Variants in IPO4 observed in about 807,000 individuals in gnomAD.
IPO4 encodes the protein importin-4.
IPO4 carries 91 observed loss-of-function variants against 133.5 expected under a neutral mutation model. That is an observed-to-expected ratio of 0.68 (90% confidence interval 0.58 to 0.81). The LOEUF (loss-of-function observed/expected upper bound fraction) is 0.81. Among genes scored for constraint, IPO4 ranks in the 30% least tolerant of loss-of-function variants. IPO4 has a pLI of 0.00. For synonymous variants in IPO4, 607 were observed against 581.6 expected, an observed-to-expected ratio of 1.04 and a Z score of -0.63; for missense variants, 1,279 against 1,386.2, an observed-to-expected ratio of 0.92 and a Z score of 1.23.
chr14:24,181,910 A>G (rs756951096), intron 26 of IPO4, 45 bp downstream of exon 26: 2 of 1,606,192 alleles, frequency 1.2e-6, no homozygotes, highest in East Asian at 4.5e-5. Context: ...CCCTGGGGAC[A>G]CTCCCCCAAC....
At chr14:24,181,922 TCCAGTCCCTC>T (rs1478205000) in intron 26 of IPO4, 23 bp downstream of exon 26, 1 of 1,608,406 alleles carries the variant, frequency 6.2e-7, no homozygotes, top group Non-Finnish European at 8.5e-7. Flanking sequence ...TCCCCCAACC[TCCAGTCCCTC>T]CCGTCCTGCG....
Position 24,182,417 on chromosome 14 carries a change from TCA to T in IPO4, c.2473-16_2473-15del, listed in dbSNP as rs753809648. ...GTCGTATTCAGCCTGTGGAGCCAGG[TCA>T]GGGGCTGGAGCACCAGGGCCAGCTC... On this transcript the variant is annotated splice_polypyrimidine_tract_variant and intron_variant, in intron 24 of 29. Coordinates refer to ENST00000354464, the MANE Select transcript of IPO4 (RefSeq NM_024658.4). The T allele has an allele frequency of 1.2e-5, 19 of 1,601,616 alleles. No homozygotes were observed. The South Asian group carries it at 1.5e-4, about 12-fold the overall frequency.
intron 17 of IPO4, 88 bp downstream of exon 17, chr14:24,184,210 T>A: frequency 1.9e-6 from 3 of 1,556,554 alleles, no homozygotes; most frequent in Non-Finnish European, 2.6e-6. Context: ...ACCAGACGAC[T>A]GGAGTCTGGG....
chr14:24,180,700 T>C lies in IPO4; in HGVS notation c.3104A>G (p.Lys1035Arg). 6.2e-7 allele frequency: 1 copy of C among 1,614,134 alleles called. No homozygotes were observed. Among genetic ancestry groups the C allele is most frequent in the Non-Finnish European group, 8.5e-7 (1 of 1,180,000 alleles). The part of the protein sequence containing the change: ...RICSLILADN[K>R]IPPDTKAALL... ...ACTCCTACCCTCACCTGGTGGGATC[T>C]TGTTGTCAGCCAGAATGAGGCTGCA... The change falls in exon 29 of 30, where the codon AAG becomes AGG. Residue 1035 changes from lysine to arginine, a missense_variant. Physicochemically the swap from Lys to Arg is conservative, Grantham distance 26 (BLOSUM62 2). Around this residue, in one of 3 missense-constraint regions of IPO4, gnomAD observed 575 missense variants for 653.4 expected, o/e 0.88. Coordinates refer to ENST00000354464, the MANE Select transcript of IPO4 (RefSeq NM_024658.4).
rs772269787 is a variant in IPO4 at position 24,185,332 on chromosome 14, G to C, written c.1279-20C>G. 1 of 1,614,002 alleles carries C rather than the reference G, an allele frequency of 6.2e-7. No homozygotes were observed. The highest frequency in any genetic ancestry group is 2.2e-5 in the East Asian group (1 of 44,874). On this transcript the variant is annotated intron_variant, in intron 13 of 29. Transcript: ENST00000354464. ...ATGGGGCTGGGGGAGGGAGCAAGCA[G>C]GGCCTGAGTCAGGTTCACCTGCCGG...
Position 24,186,726 on chromosome 14 carries a change from C to A in IPO4, c.822G>T (p.Leu274Phe). The A allele has an allele frequency of 6.2e-7, 1 of 1,614,080 alleles. No homozygotes were observed. Among genetic ancestry groups the A allele is most frequent in the South Asian group, 1.1e-5 (1 of 91,070 alleles). ...RIRILCCLTFLVKVKSKALLK... is the reference protein window; with the variant it reads ...RIRILCCLTFFVKVKSKALLK... ...CACTTACCTTGCTCTTGACTTTGAC[C>A]AAGAAAGTGAGGCAGCAGAGAATAC... Residue 274 changes from leucine (L) to phenylalanine (F), a missense_variant, in exon 9 of 30, where the codon TTG becomes TTT. Around this residue, in one of 3 missense-constraint regions of IPO4, gnomAD observed 695 missense variants for 704.1 expected, o/e 0.99. Coordinates refer to ENST00000354464, the MANE Select transcript of IPO4 (RefSeq NM_024658.4).
intron 4 of IPO4, 99 bp from the exon 5 acceptor site, chr14:24,187,895 G>C (rs1266194531): frequency 2.0e-6 from 3 of 1,482,230 alleles, no homozygotes; most frequent in Non-Finnish European, 2.8e-6. Flanking sequence ...ACTTTCAGGA[G>C]GTGTGGGCAC....
chr14:24,182,030 G>C lies in IPO4; in HGVS notation c.2732C>G (p.Ala911Gly). Residue 911 changes from alanine to glycine, a missense_variant, in exon 26 of 30, where the codon GCA becomes GGA. Physicochemically the swap from Ala to Gly is moderately conservative, Grantham distance 60. Around this residue, in one of 3 missense-constraint regions of IPO4, gnomAD observed 575 missense variants for 653.4 expected, o/e 0.88. Coordinates refer to ENST00000354464, the MANE Select transcript of IPO4 (RefSeq NM_024658.4). Reference sequence around the variant, plus strand: ...GGCATTGCTTCGCACCTCGGGGTCTGCCTCTTGGGCGGTGCTCAACAGCAC... The same window carrying C: ...GGCATTGCTTCGCACCTCGGGGTCTCCCTCTTGGGCGGTGCTCAACAGCAC... ...LPVLLSTAQEADPEVRSNAIF... is the reference protein window; with the variant it reads ...LPVLLSTAQEGDPEVRSNAIF... 6.2e-7 allele frequency: 1 copy of C among 1,613,462 alleles called. No homozygotes were observed. The highest frequency in any genetic ancestry group is 8.5e-7 in the Non-Finnish European group (1 of 1,180,026).
At position 24,188,377 on chromosome 14, in the gene IPO4, C is replaced by T; in HGVS notation, c.203G>A (p.Arg68His). Residue 68 changes from arginine to histidine, a missense_variant, in exon 3 of 30, where the codon CGC becomes CAC. By Grantham distance (29) the Arg-to-His change is conservative. This residue lies in a region of IPO4 where 695 missense variants were observed against 704.1 expected (regional missense o/e 0.99). Transcript: ENST00000354464. ...TTGCTCCGCCGCCAGCCGTCGCCAG[C>T]GGGTGTTCAGTCGTCTGCGGGTCAG... is the stretch of plus-strand genomic sequence containing the variant. ...AVLTRRRLNT[R>H]WRRLAAEQRE... 1 of 1,613,306 alleles carries T rather than the reference C, an allele frequency of 6.2e-7. No homozygotes were observed. The highest frequency in any genetic ancestry group is 8.5e-7 in the Non-Finnish European group (1 of 1,179,918).
At position 24,182,985 on chromosome 14, in the gene IPO4, C is replaced by T. The variant is rs1272361986; in HGVS notation, c.2412G>A (p.Leu804=). 6.2e-7 allele frequency: 1 copy of T among 1,613,184 alleles called. No individual in the cohort carries two copies. Among genetic ancestry groups the T allele is most frequent in the Non-Finnish European group, 8.5e-7 (1 of 1,179,366 alleles). The change falls in exon 23 of 30, where the codon CTG becomes CTA. Residue 804 remains leucine (L), a synonymous_variant. Coordinates refer to ENST00000354464, the MANE Select transcript of IPO4 (RefSeq NM_024658.4). Reference sequence around the variant, plus strand: ...CACCTGCCCTGCTCACCTTCCTCTGCAGCACAGCCTTGAGCACGCCACAGA... The same window carrying T: ...CACCTGCCCTGCTCACCTTCCTCTGTAGCACAGCCTTGAGCACGCCACAGA... ...AELCGVLKAV[L]QRKTACQDTD...
Position 24,188,551 on chromosome 14 carries a change from C to G in IPO4, c.156+1G>C. 2 of 1,612,052 alleles carry G rather than the reference C, an allele frequency of 1.2e-6. No homozygotes were observed. Among genetic ancestry groups the G allele is most frequent in the Non-Finnish European group, 1.7e-6 (2 of 1,179,230 alleles). On this transcript the variant is annotated splice_donor_variant, in intron 2 of 29. Coordinates refer to ENST00000354464, the MANE Select transcript of IPO4 (RefSeq NM_024658.4). LOFTEE classifies it high-confidence loss of function. ...TCGGAGGGGAGAGTCAGGGGTCTCA[C>G]CTGGGGGTCGGCCGCCGAGGCTAGC...
chr14:24,187,342 G>A, intron 6 of IPO4, 58 bp downstream of exon 6: 9 of 1,582,052 alleles, frequency 5.7e-6, no homozygotes, highest in Non-Finnish European at 7.8e-6. Flanking sequence ...ACTTTTACGG[G>A]TGAGGACATG....
intron 23 of IPO4, 39 bp downstream of exon 23, chr14:24,182,937 C>T: frequency 6.2e-7 from 1 of 1,613,026 alleles, no homozygotes; most frequent in Non-Finnish European, 8.5e-7. Flanking sequence ...AACCGAGGCC[C>T]AGCACCTCTC....
rs1011435896 is a variant in IPO4, at chr14:24,184,768, A to G, written c.1523-5T>C. ...GCGAGGCCTGGGCAGCCGTAGCTGC[A>G]GGATGGAAGGACAGAATCAGAGCTG... is the stretch of plus-strand genomic sequence containing the variant. On this transcript the variant is annotated splice_region_variant and splice_polypyrimidine_tract_variant and intron_variant, in intron 15 of 29. Transcript: ENST00000354464. 1.2e-6 allele frequency: 2 copies of G among 1,610,424 alleles called. No homozygotes were observed. Among genetic ancestry groups the G allele is most frequent in the Non-Finnish European group, 1.7e-6 (2 of 1,177,644 alleles).
In IPO4 at chr14:24,183,600, C is replaced by T. The variant is rs1205903801; in HGVS notation, c.2053G>A (p.Val685Met). The T allele has an allele frequency of 6.2e-7, 1 of 1,614,178 alleles. No homozygotes were observed. Among genetic ancestry groups the T allele is most frequent in the Non-Finnish European group, 8.5e-7 (1 of 1,180,028 alleles). Reference sequence around the variant, plus strand: ...AGGGCGAATGCTCACCTGGTGTTCACAGAGATCTCCCCCACGGCAGCACAG... The same window carrying T: ...AGGGCGAATGCTCACCTGGTGTTCATAGAGATCTCCCCCACGGCAGCACAG... The part of the protein sequence containing the change: ...DTCAAVGEIS[V>M]NTSVAFLPYM... The change falls in exon 20 of 30, where the codon GTG (valine) becomes ATG (methionine). Residue 685 changes from valine (V) to methionine (M), a missense_variant. By Grantham distance (21) the Val-to-Met change is conservative. Coordinates refer to ENST00000354464, the MANE Select transcript of IPO4 (RefSeq NM_024658.4).
At chr14:24,182,915 T>C (rs1186583915) in intron 23 of IPO4, 61 bp downstream of exon 23, 29 of 1,612,114 alleles carry the variant, frequency 1.8e-5, no homozygotes, top group Non-Finnish European at 2.4e-5. Flanking sequence ...GGTGGACTTG[T>C]AGCCAGTCCC....
chr14:24,183,706 A>G lies in IPO4; in HGVS notation c.1986-39T>C, dbSNP rs114313985. On this transcript the variant is annotated intron_variant, in intron 19 of 29. Transcript: ENST00000354464. ...GGGAGGCAGTGGTGATCAGGCACCA[A>G]GAGGAGCAGATCCAGCACTAGGCCC... The G allele has an allele frequency of 1.9e-3, 3,075 of 1,614,106 alleles. 50 individuals are homozygous for G. The African/African-American group carries it at 0.036, about 19-fold the overall frequency.
At chr14:24,188,108 G>C (rs763740237) in intron 4 of IPO4, 108 bp downstream of exon 4, 7 of 1,185,518 alleles carry the variant, frequency 5.9e-6, no homozygotes, top group Non-Finnish European at 7.4e-6. Context: ...TCCACCTTGC[G>C]TCTAGAACTG....
At position 24,183,522 on chromosome 14, in the gene IPO4, A is replaced by G. The variant is rs1296292853; in HGVS notation, c.2064-9T>C. ...ATGGAAGGAAGGCCACACTACAGAG[A>G]GAGACACAGCCGTGGGTAAGGGGCC... is the stretch of plus-strand genomic sequence containing the variant. On this transcript the variant is annotated splice_polypyrimidine_tract_variant and intron_variant, in intron 20 of 29. Coordinates refer to ENST00000354464, the MANE Select transcript of IPO4 (RefSeq NM_024658.4). 3.7e-6 allele frequency: 6 copies of G among 1,613,924 alleles called. No homozygotes were observed. The highest frequency in any genetic ancestry group is 1.1e-5 in the South Asian group (1 of 91,066).
Sources: allele counts gnomAD v4.1 joint callset, GRCh38; gene constraint gnomAD v4.1.1; regional missense constraint gnomAD v4.1.1; transcripts MANE v1.5; gene names NCBI Gene and HGNC (gene_info 2026-07-23, HGNC 2026-07-21).